FAAH2: variants seen among roughly 807,000 people sequenced by gnomAD.
The protein encoded by FAAH2 is fatty acid amide hydrolase 2.
Under a neutral mutation model 36.9 loss-of-function variants are expected in FAAH2, and 60 were observed. That is an observed-to-expected ratio of 1.63 (90% CI 1.32 to 2.02). The LOEUF is 2.02. FAAH2 is among the 30% of genes most tolerant of loss of function. The probability of loss-of-function intolerance (pLI) is 0.00; values close to 1 mark genes in which losing one functional copy is unlikely to be tolerated. For synonymous variants in FAAH2, 214 were observed against 143.8 expected, an observed-to-expected ratio of 1.49 and a Z score of -3.49; for missense variants, 689 against 397.5, an observed-to-expected ratio of 1.73 and a Z score of -6.23.
At chrX:57,439,098 A>G (rs1367082903) in intron 8 of FAAH2, among the ~76,000 whole-genome samples, 2 of 110,599 alleles carry the variant, frequency 1.8e-5, no homozygotes, top group African/African-American at 6.6e-5. Flanking sequence ...ATGATTTATA[A>G]TCCTTTGGGT....
At chrX:57,369,124 G>T (rs1216134433) in intron 5 of FAAH2, among the ~76,000 whole-genome samples, 1 of 106,948 alleles carries the variant, frequency 9.4e-6, no homozygotes, top group Non-Finnish European at 1.9e-5. Flanking sequence ...TCCAGCAGAA[G>T]AAAGAATTTT....
the FAAH2 span, among the ~76,000 whole-genome samples, chrX:57,248,753 C>CAAA: frequency 0.062 from 893 of 14,489 alleles, 80 homozygotes; most frequent in Non-Finnish European, 0.091. Flanking sequence ...AGCTCCGTCT[C>CAAA]AAAAAAAAAA....
intron 7 of FAAH2, among the ~76,000 whole-genome samples, chrX:57,416,625 G>C (rs938045025): frequency 1.8e-5 from 2 of 111,813 alleles, no homozygotes; most frequent in Non-Finnish European, 3.8e-5. Context: ...TCTTTTTGTG[G>C]ATAACCTGTC....
At chrX:57,430,508 CTG>C (rs2056270159) in intron 7 of FAAH2, among the ~76,000 whole-genome samples, 1 of 111,583 alleles carries the variant, frequency 9.0e-6, no homozygotes, top group African/African-American at 3.3e-5. Flanking sequence ...GGCCATGACT[CTG>C]TTTTATGTTA....
intron 7 of FAAH2, among the ~76,000 whole-genome samples, chrX:57,405,771 C>G (rs1168430306): frequency 2.0e-5 from 2 of 100,087 alleles, no homozygotes; most frequent in Non-Finnish European, 4.0e-5. Context: ...AAGTTTTCAA[C>G]TGTATTTTGT....
the FAAH2 span, among the ~76,000 whole-genome samples, chrX:57,255,091 G>A: frequency 5.4e-5 from 6 of 110,763 alleles, no homozygotes; most frequent in Non-Finnish European, 9.4e-5. Context: ...ATGATAAAGG[G>A]CTATCACCAC....
At chrX:57,323,768 A>C (rs1283916301) in intron 3 of FAAH2, among the ~76,000 whole-genome samples, 19 of 106,845 alleles carry the variant, frequency 1.8e-4, no homozygotes, top group African/African-American at 6.5e-4. Flanking sequence ...AGATTGCAAA[A>C]ATTTTCTCCC....
At chrX:57,340,698 AG>A (rs2053665268) in intron 4 of FAAH2, among the ~76,000 whole-genome samples, 1 of 111,886 alleles carries the variant, frequency 8.9e-6, no homozygotes, top group Non-Finnish European at 1.9e-5. Context: ...GGGATAGAAA[AG>A]CAAACACAGC....
the FAAH2 span, among the ~76,000 whole-genome samples, chrX:57,184,630 G>T: frequency 1.8e-5 from 2 of 112,644 alleles, no homozygotes; most frequent in East Asian, 2.8e-4. Flanking sequence ...AACAGTAAAA[G>T]TTCCAAAAGT....
chrX:57,271,335 G>A, the FAAH2 span, among the ~76,000 whole-genome samples: 3 of 112,500 alleles, frequency 2.7e-5, no homozygotes, highest in South Asian at 7.4e-4. Flanking sequence ...CCAGTCAGGG[G>A]CTTATAGCAG....
the FAAH2 span, among the ~76,000 whole-genome samples, chrX:57,192,011 T>C: frequency 8.9e-6 from 1 of 112,058 alleles, no homozygotes; most frequent in African/African-American, 3.2e-5. Flanking sequence ...CTGTGAAGAA[T>C]GTCATTGTTA....
At chrX:57,216,022 G>A in the FAAH2 span, among the ~76,000 whole-genome samples, 12 of 107,909 alleles carry the variant, frequency 1.1e-4, no homozygotes, top group South Asian at 4.3e-4. Flanking sequence ...AAGTGTGTAC[G>A]CGTATGTGTG....
chrX:57,182,961 T>A, the FAAH2 span, among the ~76,000 whole-genome samples: 2 of 111,037 alleles, frequency 1.8e-5, no homozygotes, highest in African/African-American at 6.6e-5. Context: ...AAATACTGCA[T>A]GTTCCCATTT....
intron 8 of FAAH2, 87 bp from the exon 9 acceptor site, chrX:57,446,841 A>C: frequency 3.8e-6 from 2 of 528,929 alleles, no homozygotes; most frequent in Non-Finnish European, 6.2e-6. Context: ...ATGAATGATT[A>C]TTCATATATA....
chrX:57,150,151 G>T, the FAAH2 span, among the ~76,000 whole-genome samples: 1 of 111,755 alleles, frequency 8.9e-6, no homozygotes, highest in African/African-American at 3.3e-5. Flanking sequence ...CTCTTATTTT[G>T]CATTTGCTGA....
chrX:57,335,439 C>A lies in FAAH2; in HGVS notation c.622+3632C>A, dbSNP rs1169747908. On this transcript the variant is annotated intron_variant, in intron 4 of 10. Coordinates refer to ENST00000374900, the MANE Select transcript of FAAH2 (RefSeq NM_174912.4). ...TGAACAAATGTCTCTGCATCATAAA[C>A]AAGGTAAAGAAAAAAGTGCTGTGCT... is the stretch of plus-strand genomic sequence containing the variant. Among the ~76,000 whole-genome samples, 5 of 112,066 alleles carry A rather than the reference C, an allele frequency of 4.5e-5. No individual in the cohort carries two copies. In the Admixed American group the frequency reaches 4.7e-4, roughly 11 times the overall value.
the FAAH2 span, among the ~76,000 whole-genome samples, chrX:57,148,564 C>G: frequency 9.0e-6 from 1 of 111,281 alleles, no homozygotes; most frequent in Non-Finnish European, 1.9e-5. Flanking sequence ...CTCTGTTTGT[C>G]TGTTATTGGT....
intron 5 of FAAH2, among the ~76,000 whole-genome samples, chrX:57,376,911 G>A (rs2054696236): frequency 8.9e-6 from 1 of 112,395 alleles, no homozygotes; most frequent in Non-Finnish European, 1.9e-5. Flanking sequence ...GACCAGTGAT[G>A]ATGAGCTTTT....
chrX:57,400,562 G>A (rs1489870297), intron 7 of FAAH2, among the ~76,000 whole-genome samples: 1 of 112,247 alleles, frequency 8.9e-6, no homozygotes, highest in African/African-American at 3.2e-5. Flanking sequence ...TTGGCTTTCC[G>A]AGTTTTCTTA....
Sources: allele counts gnomAD v4.1 joint callset (sites outside exome capture counted in the v4.1 genomes callset), GRCh38; gene constraint gnomAD v4.1.1; transcripts MANE v1.5; gene names NCBI Gene and HGNC (gene_info 2026-07-23, HGNC 2026-07-21).